ADAMTS14: variants seen among roughly 807,000 people sequenced by gnomAD.
The protein encoded by ADAMTS14 is A disintegrin and metalloproteinase with thrombospondin motifs 14.
Under a neutral mutation model 128.6 loss-of-function variants are expected in ADAMTS14, and 100 were observed. The observed-to-expected ratio is 0.78, with a 90% CI of 0.66 to 0.92. ADAMTS14 has a LOEUF of 0.92. ADAMTS14 is among the 40% of genes least tolerant of loss of function. ADAMTS14 has a pLI of 0.00. For missense variants in ADAMTS14, 1,562 were observed against 1,658.6 expected, an observed-to-expected ratio of 0.94 and a Z score of 1.01; for synonymous variants, 665 against 653.8, an observed-to-expected ratio of 1.02 and a Z score of -0.26.
At chr10:70,678,430 G>T (rs1266322923) in intron 2 of ADAMTS14, among the ~76,000 whole-genome samples, 4 of 151,976 alleles carry the variant, frequency 2.6e-5, no homozygotes, top group Non-Finnish European at 5.9e-5. Context: ...GTCAGAGAAG[G>T]TGACATTTGA....
In ADAMTS14 at chr10:70,744,611, T is replaced by C. The variant is rs796895851; in HGVS notation, c.2182+422T>C. On this transcript the variant is annotated intron_variant, in intron 14 of 21. Coordinates refer to ENST00000373207, the MANE Select transcript of ADAMTS14 (RefSeq NM_080722.4). Reference sequence around the variant, plus strand: ...CACTTTCTGCTTTGAATTCCTGGTATCTTTGAGTTCCTTGACTTTCCTCTC... The same window carrying C: ...CACTTTCTGCTTTGAATTCCTGGTACCTTTGAGTTCCTTGACTTTCCTCTC... Among the ~76,000 whole-genome samples the C allele has an allele frequency of 2.4e-4, 37 of 152,320 alleles. 1 individual carries two copies. The highest frequency in any genetic ancestry group is 8.9e-4 in the African/African-American group (37 of 41,580).
At chr10:70,735,434 T>TGCCA in intron 9 of ADAMTS14, 133 bp downstream of exon 9, 1 of 1,308,216 alleles carries the variant, frequency 7.6e-7, no homozygotes, top group Non-Finnish European at 1.0e-6. Context: ...ACAGACACAG[T>TGCCA]GCCAGCCACC....
In ADAMTS14 at chr10:70,745,318, G is replaced by C. The variant is rs775144767; in HGVS notation, c.2263+12G>C. ...CCCCCACCGCATTGGTGAGTGCTGG[G>C]GTGCTGGGAGGGGACAGCAGGGCCC... On this transcript the variant is annotated intron_variant, in intron 15 of 21. Transcript: ENST00000373207. The C allele has an allele frequency of 6.2e-7, 1 of 1,612,170 alleles. No individual in the cohort carries two copies. The highest frequency in any genetic ancestry group is 2.2e-5 in the East Asian group (1 of 44,862).
chr10:70,710,473 T>C (rs2132618898), intron 4 of ADAMTS14, among the ~76,000 whole-genome samples: 1 of 152,334 alleles, frequency 6.6e-6, no homozygotes, highest in East Asian at 1.9e-4. Context: ...TGTATGATCA[T>C]ACAGACCGAA....
intron 2 of ADAMTS14, among the ~76,000 whole-genome samples, chr10:70,690,923 G>A (rs1390895527): frequency 1.4e-5 from 2 of 144,940 alleles, no homozygotes; most frequent in African/African-American, 4.9e-5. Context: ...GGCCAAGCAG[G>A]GGCCAGGCAG....
chr10:70,741,508 G>A (rs970060911), intron 12 of ADAMTS14, among the ~76,000 whole-genome samples: 4 of 152,208 alleles, frequency 2.6e-5, no homozygotes, highest in African/African-American at 4.8e-5. Flanking sequence ...CCTGCCTTTC[G>A]TCTTCTGTCC....
At chr10:70,696,787 G>T (rs1258310610) in intron 2 of ADAMTS14, among the ~76,000 whole-genome samples, 1 of 152,144 alleles carries the variant, frequency 6.6e-6, no homozygotes, top group Non-Finnish European at 1.5e-5. Flanking sequence ...GAGGTTTCTG[G>T]GTTGTAGCAG....
At chr10:70,687,144 C>T (rs78606983) in intron 2 of ADAMTS14, among the ~76,000 whole-genome samples, 3 of 109,478 alleles carry the variant, frequency 2.7e-5, no homozygotes, top group African/African-American at 3.2e-5. Flanking sequence ...CGGGCAGAGG[C>T]GCCCCTCACC....
chr10:70,760,744 C>T lies in ADAMTS14; in HGVS notation c.3563C>T (p.Pro1188Leu), dbSNP rs1337882587. 6 of 1,613,940 alleles carry T rather than the reference C, an allele frequency of 3.7e-6. No homozygotes were observed. The highest frequency in any genetic ancestry group is 8.5e-7 in the Non-Finnish European group (1 of 1,179,952). Reference protein sequence around the residue: ...SISPTTPGGLPWGWTQTPTPV... With the variant: ...SISPTTPGGLLWGWTQTPTPV... The stretch of plus-strand genomic sequence containing the variant: ...TCCCCTACCACCCCCGGGGGGCTGC[C>T]TTGGGGCTGGACTCAGACACCTACG... Residue 1188 changes from proline (P) to leucine (L), a missense_variant, in exon 22 of 22, where the codon CCT (proline) becomes CTT (leucine). Transcript: ENST00000373207.
intron 1 of ADAMTS14, 73 bp downstream of exon 1, chr10:70,672,957 C>T: frequency 1.5e-6 from 2 of 1,367,410 alleles, no homozygotes; most frequent in Non-Finnish European, 1.9e-6. Flanking sequence ...CAAGGTTGCC[C>T]CAGCCACCCG....
chr10:70,731,242 A>G (rs1389358043), intron 6 of ADAMTS14, among the ~76,000 whole-genome samples: 1 of 151,184 alleles, frequency 6.6e-6, no homozygotes, highest in East Asian at 1.9e-4. Context: ...TAGAGACACA[A>G]AGACACATGT....
At chr10:70,757,555 A>G (rs1419074725) in intron 19 of ADAMTS14, among the ~76,000 whole-genome samples, 1 of 152,116 alleles carries the variant, frequency 6.6e-6, no homozygotes, top group African/African-American at 2.4e-5. Flanking sequence ...CATGTAGTGG[A>G]TTGCAACAGG....
chr10:70,713,659 G>A (rs1446680586), intron 4 of ADAMTS14, among the ~76,000 whole-genome samples: 1 of 152,248 alleles, frequency 6.6e-6, no homozygotes, highest in East Asian at 1.9e-4. Flanking sequence ...ACTGGCTAGG[G>A]TGGGACATGA....
At chr10:70,724,318 G>A (rs1841359875) in intron 4 of ADAMTS14, among the ~76,000 whole-genome samples, 1 of 152,220 alleles carries the variant, frequency 6.6e-6, no homozygotes. Context: ...GAGGTGAGGA[G>A]CAGGGAAGCT....
At chr10:70,690,845 G>A (rs923642718) in intron 2 of ADAMTS14, among the ~76,000 whole-genome samples, 2 of 145,196 alleles carry the variant, frequency 1.4e-5, no homozygotes, top group South Asian at 2.2e-4. Context: ...CAGCCACACC[G>A]CCTGCTGGCA....
At chr10:70,689,957 C>G (rs981177107) in intron 2 of ADAMTS14, among the ~76,000 whole-genome samples, 1 of 144,908 alleles carries the variant, frequency 6.9e-6, no homozygotes, top group Non-Finnish European at 1.6e-5. Flanking sequence ...CTCTCTTCTC[C>G]ATGGCTCCTT....
Position 70,760,387 on chromosome 10 carries a change from T to A in ADAMTS14, c.3206T>A (p.Val1069Asp). The A allele has an allele frequency of 2.5e-6, 4 of 1,596,412 alleles. No homozygotes were observed. Among genetic ancestry groups the A allele is most frequent in the Non-Finnish European group, 3.4e-6 (4 of 1,171,194 alleles). The change falls in exon 22 of 22, where the codon GTC becomes GAC. Residue 1069 changes from valine (V) to aspartate (D), a missense_variant. Val to Asp is a radical substitution (Grantham distance 152). Transcript: ENST00000373207. The part of the protein sequence containing the change: ...STEPCTGDRS[V>D]FCQMEVLDRY... Reference sequence around the variant, plus strand: ...GAGCCCTGCACGGGAGACAGGTCTGTCTTCTGCCAGATGGAAGTGCTCGAT... The same window carrying A: ...GAGCCCTGCACGGGAGACAGGTCTGACTTCTGCCAGATGGAAGTGCTCGAT...
Position 70,708,783 on chromosome 10 carries a change from G to A in ADAMTS14, c.870+5G>A. ...GTCCTCACCCTCATGAATATCGTGA[G>A]TGTCCATGTGTCCTAGGACTTGGGG... On this transcript the variant is annotated splice_donor_5th_base_variant and intron_variant, in intron 4 of 21. Coordinates refer to ENST00000373207, the MANE Select transcript of ADAMTS14 (RefSeq NM_080722.4). 6.7e-7 allele frequency: 1 copy of A among 1,491,256 alleles called. No individual in the cohort carries two copies. Among genetic ancestry groups the A allele is most frequent in the Non-Finnish European group, 9.1e-7 (1 of 1,100,518 alleles). 92.4% of individuals were successfully genotyped at this position (1,491,256 alleles called of 1,614,324 possible). A position where few individuals can be genotyped will look rare whatever the true frequency, so the allele number is the denominator to read the frequency against.
intron 4 of ADAMTS14, among the ~76,000 whole-genome samples, chr10:70,724,835 T>A (rs1841377389): frequency 6.6e-6 from 1 of 152,228 alleles, no homozygotes; most frequent in African/African-American, 2.4e-5. Context: ...TTTATTTTTA[T>A]CATCCTTATT....
Sources: allele counts gnomAD v4.1 joint callset (sites outside exome capture counted in the v4.1 genomes callset), GRCh38; gene constraint gnomAD v4.1.1; transcripts MANE v1.5; gene names NCBI Gene and HGNC (gene_info 2026-07-23, HGNC 2026-07-21).